SPOCK1: variants seen among roughly 807,000 people sequenced by gnomAD.
SPOCK1 encodes SPARC (osteonectin), cwcv and kazal like domains proteoglycan 1.
Under a neutral mutation model 55.3 loss-of-function variants are expected in SPOCK1, and 23 were observed. The observed-to-expected ratio is 0.42, with a 90% CI of 0.30 to 0.59. The LOEUF (loss-of-function observed/expected upper bound fraction) is 0.59, where lower values mean the gene tolerates loss of function less well. SPOCK1 is among the 20% of genes least tolerant of loss of function. SPOCK1 has a pLI of 0.22. For missense variants in SPOCK1, 499 were observed against 552.5 expected, an observed-to-expected ratio of 0.90 and a Z score of 0.97; for synonymous variants, 226 against 221.0, an observed-to-expected ratio of 1.02 and a Z score of -0.20.
At chr5:137,358,390 AAAGGAAGGAAGG>A (rs143349157) in intron 2 of SPOCK1, among the ~76,000 whole-genome samples, 29 of 116,454 alleles carry the variant, frequency 2.5e-4, no homozygotes, top group African/African-American at 9.1e-4. Context: ...TTCATGACGG[AAAGGAAGGAAGG>A]AAGGAAGGAA....
chr5:137,249,697 T>G (rs1051901182), intron 3 of SPOCK1, among the ~76,000 whole-genome samples: 1 of 152,212 alleles, frequency 6.6e-6, no homozygotes, highest in Non-Finnish European at 1.5e-5. Context: ...CTAAAAAAAC[T>G]TTACAATTCC....
intron 9 of SPOCK1, among the ~76,000 whole-genome samples, chr5:136,984,918 T>C (rs1279896735): frequency 6.6e-6 from 1 of 152,230 alleles, no homozygotes; most frequent in Non-Finnish European, 1.5e-5. Context: ...ACTTCGGCCC[T>C]GGCTGACCTC....
intron 3 of SPOCK1, among the ~76,000 whole-genome samples, chr5:137,195,331 C>T (rs1755278037): frequency 6.6e-6 from 1 of 152,232 alleles, no homozygotes; most frequent in African/African-American, 2.4e-5. Context: ...CACAGATACT[C>T]ACCTGCCACT....
At chr5:137,042,790 T>C (rs143176281) in intron 6 of SPOCK1, among the ~76,000 whole-genome samples, 1,963 of 152,256 alleles carry the variant, frequency 0.013, 15 homozygotes, top group Middle Eastern at 0.051. Flanking sequence ...TACATTAGCA[T>C]AAACTTGTAT....
intron 2 of SPOCK1, among the ~76,000 whole-genome samples, chr5:137,473,047 C>G (rs1215932186): frequency 2.0e-5 from 3 of 152,174 alleles, no homozygotes; most frequent in Admixed American, 6.5e-5. Flanking sequence ...AGGGATTTGG[C>G]AATTGCTGAC....
intron 4 of SPOCK1, among the ~76,000 whole-genome samples, chr5:137,117,947 T>A (rs953820572): frequency 6.6e-6 from 1 of 152,240 alleles, no homozygotes; most frequent in East Asian, 1.9e-4. Flanking sequence ...AATGTTTTTC[T>A]ATATTTATCA....
intron 6 of SPOCK1, among the ~76,000 whole-genome samples, chr5:137,032,014 A>AATAT (rs200964209): frequency 1.4e-5 from 2 of 147,890 alleles, no homozygotes; most frequent in African/African-American, 4.9e-5. Flanking sequence ...AATAAAAAGA[A>AATAT]ATATATATAT....
chr5:137,347,193 TA>T (rs150000755), intron 2 of SPOCK1, among the ~76,000 whole-genome samples: 5,316 of 152,278 alleles, frequency 0.035, 106 homozygotes, highest in South Asian at 0.046. Flanking sequence ...AAATAATGTT[TA>T]AATGCCTCAG....
At chr5:137,203,691 T>C (rs896015605) in intron 3 of SPOCK1, among the ~76,000 whole-genome samples, 17 of 152,188 alleles carry the variant, frequency 1.1e-4, no homozygotes, top group African/African-American at 4.1e-4. Context: ...GCCACGTAAA[T>C]GAATTTAAAG....
chr5:137,407,886 C>T (rs1391403189), intron 2 of SPOCK1, among the ~76,000 whole-genome samples: 2 of 152,156 alleles, frequency 1.3e-5, no homozygotes, highest in Non-Finnish European at 2.9e-5. Flanking sequence ...ATTGACATCC[C>T]AGTCCTGCTT....
chr5:137,014,060 G>A (rs552337484), intron 6 of SPOCK1, among the ~76,000 whole-genome samples: 9 of 152,100 alleles, frequency 5.9e-5, no homozygotes, highest in Non-Finnish European at 1.0e-4. Flanking sequence ...GGAGGTGTTT[G>A]GATCATGGAG....
chr5:137,426,024 A>C (rs1033289899), intron 2 of SPOCK1, among the ~76,000 whole-genome samples: 1 of 151,326 alleles, frequency 6.6e-6, no homozygotes, highest in Non-Finnish European at 1.5e-5. Context: ...CTTAGCGTCT[A>C]TCCAGAAATT....
In SPOCK1 at chr5:137,125,284, C is replaced by T. The variant is rs187605512; in HGVS notation, c.348-12723G>A. 1.0e-3 allele frequency among the ~76,000 whole-genome samples: 155 copies of T among 152,264 alleles called. 1 individual carries two copies. The highest frequency in any genetic ancestry group is 1.6e-3 in the Non-Finnish European group (109 of 68,030). ...GATACAAGAGTGAACTAGTCATGCCCGCCTATGGCTGACACTCCAGAGGGA... is the reference window on the plus strand; with the variant it reads ...GATACAAGAGTGAACTAGTCATGCCTGCCTATGGCTGACACTCCAGAGGGA... On this transcript the variant is annotated intron_variant, in intron 4 of 10. Transcript: ENST00000394945.
intron 6 of SPOCK1, among the ~76,000 whole-genome samples, chr5:137,030,024 G>A (rs1337102935): frequency 3.3e-5 from 5 of 152,210 alleles, no homozygotes; most frequent in Non-Finnish European, 5.9e-5. Flanking sequence ...AGCACTTTCT[G>A]TGGGTCAAAA....
chr5:137,459,169 C>T (rs1001036689), intron 2 of SPOCK1, among the ~76,000 whole-genome samples: 8 of 152,120 alleles, frequency 5.3e-5, no homozygotes, highest in Non-Finnish European at 8.8e-5. Flanking sequence ...ATGTACGTGT[C>T]GTGTAGTCTT....
rs952546908 is a variant in SPOCK1 at position 137,361,998 on chromosome 5, C to T, written c.187-94943G>A. ...TCTCAGCCCCAGCCACTCAGTAAGG[C>T]GAGCTGTTCAGAGATGGAGGTGGAA... On this transcript the variant is annotated intron_variant, in intron 2 of 10. Coordinates refer to ENST00000394945, the MANE Select transcript of SPOCK1 (RefSeq NM_004598.4). Among the ~76,000 whole-genome samples the T allele has an allele frequency of 3.9e-5, 6 of 152,208 alleles. No individual in the cohort carries two copies. The South Asian group carries it at 6.2e-4, about 16-fold the overall frequency.
intron 5 of SPOCK1, among the ~76,000 whole-genome samples, chr5:137,090,766 A>G (rs981800478): frequency 6.6e-6 from 1 of 152,248 alleles, no homozygotes; most frequent in Non-Finnish European, 1.5e-5. Flanking sequence ...CAGATTCTGT[A>G]AAAGGAAAAT....
At chr5:137,355,810 C>A (rs1352589642) in intron 2 of SPOCK1, among the ~76,000 whole-genome samples, 1 of 152,156 alleles carries the variant, frequency 6.6e-6, no homozygotes, top group South Asian at 2.1e-4. Context: ...AGCCCAGCCC[C>A]CAGGTGGAGT....
At chr5:137,142,810 A>G (rs1178954254) in intron 3 of SPOCK1, among the ~76,000 whole-genome samples, 1 of 152,184 alleles carries the variant, frequency 6.6e-6, no homozygotes, top group African/African-American at 2.4e-5. Flanking sequence ...GGATGTCTGC[A>G]TAAGAAGCCA....
Sources: gnomAD v4.1 joint callset for allele counts (sites outside exome capture counted in the v4.1 genomes callset) on GRCh38, gnomAD v4.1.1 for gene constraint, MANE v1.5 for transcripts, NCBI Gene and HGNC (gene_info 2026-07-23, HGNC 2026-07-21) for gene names.